SSR3: variants seen among roughly 807,000 people sequenced by gnomAD.
SSR3 encodes the protein translocon-associated protein subunit gamma.
In SSR3, 10 loss-of-function variants were observed where a neutral mutation model predicts 22.1. That is an observed-to-expected ratio of 0.45 (90% CI 0.28 to 0.77). SSR3 has a LOEUF of 0.77. Among genes scored for constraint, SSR3 ranks in the 30% least tolerant of loss-of-function variants. SSR3 has a pLI of 0.13. For synonymous variants in SSR3, 104 were observed against 82.5 expected (o/e 1.26, Z -1.42); for missense variants, 181 against 220.5 (o/e 0.82, Z 1.13).
Position 156,543,084 on chromosome 3 carries a change from T to G in SSR3, c.*119A>C, listed in dbSNP as rs1719623425. 7.2e-6 allele frequency: 5 copies of G among 689,712 alleles called. No homozygotes were observed. The South Asian group carries it at 1.5e-4, about 21-fold the overall frequency. 42.7% of individuals were successfully genotyped at this position (689,712 alleles called of 1,614,324 possible). Reference sequence around the variant, plus strand: ...AATACTGAATTACATTCTGCTGGGTTTTTTAAAGGCTCTAGACTATAAAAA... The same window carrying G: ...AATACTGAATTACATTCTGCTGGGTGTTTTAAAGGCTCTAGACTATAAAAA... On this transcript the variant is annotated 3_prime_UTR_variant, in exon 5 of 5. Transcript: ENST00000265044.
Position 156,555,020 on chromosome 3 carries a change from G to C in SSR3, c.70C>G (p.Leu24Val), listed in dbSNP as rs760383612. 8.1e-6 allele frequency: 13 copies of C among 1,614,060 alleles called. No homozygotes were observed. The Admixed American group carries it at 2.2e-4, about 27-fold the overall frequency. Residue 24 changes from leucine (L) to valine (V), a missense_variant, in exon 1 of 5, where the codon CTC (leucine) becomes GTC (valine). Transcript: ENST00000265044. ...AAGAGCGCGGAGGACTTGGCCGAGA[G>C]ATTGCGGCTGAAATCCTGCAGGAGC... ...DLLLQDFSRN[L>V]SAKSSALFFG...
chr3:156,550,810 C>A (rs1463137034), intron 2 of SSR3, among the ~76,000 whole-genome samples: 1 of 152,240 alleles, frequency 6.6e-6, no homozygotes, highest in Non-Finnish European at 1.5e-5. Flanking sequence ...TTCAACCCTG[C>A]ACATAAACAT....
intron 2 of SSR3, 103 bp downstream of exon 2, chr3:156,553,552 C>T (rs1036760845): frequency 2.5e-6 from 3 of 1,187,998 alleles, no homozygotes; most frequent in Admixed American, 2.6e-5. Context: ...ATATATATAT[C>T]TCAAATTAAT....
chr3:156,553,183 G>C (rs1720026546), intron 2 of SSR3, among the ~76,000 whole-genome samples: 1 of 152,136 alleles, frequency 6.6e-6, no homozygotes, highest in African/African-American at 2.4e-5. Context: ...CTTGAGCCTG[G>C]GAAGGTTGAG....
At position 156,552,906 on chromosome 3, in the gene SSR3, T is replaced by C. The variant is rs1440317674; in HGVS notation, c.260+749A>G. On this transcript the variant is annotated intron_variant, in intron 2 of 4. Coordinates refer to ENST00000265044, the MANE Select transcript of SSR3 (RefSeq NM_007107.5). ...TGCTTATAATTAAGGTATAAGTTTA[T>C]TGTGGTGAGGCTTGAGTTTTCTTCT... is the stretch of plus-strand genomic sequence containing the variant. Among the ~76,000 whole-genome samples the C allele has an allele frequency of 2.0e-5, 3 of 152,188 alleles. No homozygotes were observed. The East Asian group carries it at 5.8e-4, about 29-fold the overall frequency.
At chr3:156,554,831 G>C (rs113120900) in intron 1 of SSR3, 126 bp downstream of exon 1, 12 of 1,283,012 alleles carry the variant, frequency 9.4e-6, no homozygotes, top group East Asian at 2.5e-5. Context: ...CGAGCTCAGG[G>C]GAGCTGGAGA....
At chr3:156,549,177 G>A (rs868557449) in intron 2 of SSR3, 174 bp from the exon 3 acceptor site, 1 of 525,756 alleles carries the variant, frequency 1.9e-6, no homozygotes, top group Admixed American at 3.7e-5. Flanking sequence ...CTAGCCAAAA[G>A]AGAAGTTCGA....
intron 4 of SSR3, 141 bp from the exon 5 acceptor site, chr3:156,543,410 C>A: frequency 1.8e-6 from 1 of 545,926 alleles, no homozygotes. Flanking sequence ...CCATTGTCTG[C>A]AAACACAATT....
At chr3:156,548,783 C>G (rs1208986244) in intron 3 of SSR3, 122 bp downstream of exon 3, 2 of 1,217,064 alleles carry the variant, frequency 1.6e-6, no homozygotes, top group African/African-American at 1.5e-5. Context: ...ATTACTACTA[C>G]TACTACAATT....
chr3:156,551,778 T>C (rs1413195405), intron 2 of SSR3, among the ~76,000 whole-genome samples: 1 of 152,114 alleles, frequency 6.6e-6, no homozygotes, highest in Non-Finnish European at 1.5e-5. Context: ...TCAGGAAGGA[T>C]TTCTCTGGAA....
chr3:156,554,628 G>A (rs1239941030), intron 1 of SSR3: 1 of 290,762 alleles, frequency 3.4e-6, no homozygotes, highest in Non-Finnish European at 6.5e-6. Flanking sequence ...GTATAGAAAA[G>A]GGCAGAGGCA....
intron 3 of SSR3, among the ~76,000 whole-genome samples, chr3:156,547,901 T>C (rs1719817211): frequency 6.6e-6 from 1 of 152,322 alleles, no homozygotes; most frequent in East Asian, 1.9e-4. Context: ...CAGTGCTCAG[T>C]TGCTGTAACT....
At chr3:156,543,723 T>G (rs1719653586) in intron 4 of SSR3, among the ~76,000 whole-genome samples, 1 of 152,310 alleles carries the variant, frequency 6.6e-6, no homozygotes, top group East Asian at 1.9e-4. Flanking sequence ...AACTCTACAA[T>G]TTTCAGCAAA....
At position 156,540,045 on chromosome 3, in the gene SSR3, A is replaced by C. The variant is rs898041172; in HGVS notation, c.*3158T>G. The C allele has an allele frequency of 1.6e-4, 24 of 152,218 alleles. No homozygotes were observed. Among genetic ancestry groups the C allele is most frequent in the African/African-American group, 5.1e-4 (21 of 41,452 alleles). 9.4% of individuals were successfully genotyped at this position (152,218 alleles called of 1,614,324 possible). A position where few individuals can be genotyped will look rare whatever the true frequency, so the allele number is the denominator to read the frequency against. Reference sequence around the variant, plus strand: ...AGAACTTAAAGTAAAATAAAAAATAAAACAATTTGAAAAAAAAGATGGTTA... The same window carrying C: ...AGAACTTAAAGTAAAATAAAAAATACAACAATTTGAAAAAAAAGATGGTTA... On this transcript the variant is annotated 3_prime_UTR_variant, in exon 5 of 5. Transcript: ENST00000265044.
chr3:156,553,851 C>G lies in SSR3; in HGVS notation c.134-70G>C. The G allele has an allele frequency of 1.4e-5, 20 of 1,465,338 alleles. No individual in the cohort carries two copies. The South Asian group carries it at 2.7e-4, about 20-fold the overall frequency. The allele number at this position is 1,465,338 out of a possible 1,614,324, so 90.8% of individuals were successfully genotyped here. On this transcript the variant is annotated intron_variant, in intron 1 of 4. Coordinates refer to ENST00000265044, the MANE Select transcript of SSR3 (RefSeq NM_007107.5). ...ATTACAACCCCGCAACAAAAGCCTG[C>G]GAAATTAATTATAGCTAAGCCTGGT...
Position 156,552,153 on chromosome 3 carries a change from T to C in SSR3, c.260+1502A>G, listed in dbSNP as rs146969953. On this transcript the variant is annotated intron_variant, in intron 2 of 4. Transcript: ENST00000265044. ...CCATCTCTACAAAATATACAAAAAT[T>C]AGCCAGGCGTGGTAGTAGTGCGTGC... is the stretch of plus-strand genomic sequence containing the variant. 4.9e-3 allele frequency among the ~76,000 whole-genome samples: 751 copies of C among 151,954 alleles called. 8 individuals are homozygous for C. Among genetic ancestry groups the C allele is most frequent in the South Asian group, 0.022 (105 of 4,808 alleles).
At position 156,540,824 on chromosome 3, in the gene SSR3, G is replaced by A. The variant is rs1719444404; in HGVS notation, c.*2379C>T. 1 of 152,074 alleles carries A rather than the reference G, an allele frequency of 6.6e-6. No homozygotes were observed. The highest frequency in any genetic ancestry group is 6.5e-5 in the Admixed American group (1 of 15,270). 9.4% of individuals were successfully genotyped at this position (152,074 alleles called of 1,614,324 possible). ...TTTAAGACAAAAATTCTACAGCATGGTTTTACTAAGTCAGATTGAGTAGGT... is the reference window on the plus strand; with the variant it reads ...TTTAAGACAAAAATTCTACAGCATGATTTTACTAAGTCAGATTGAGTAGGT... On this transcript the variant is annotated 3_prime_UTR_variant, in exon 5 of 5. Transcript: ENST00000265044.
chr3:156,542,988 G>A lies in SSR3; in HGVS notation c.*215C>T, dbSNP rs554599777. 41 of 457,456 alleles carry A rather than the reference G, an allele frequency of 9.0e-5. No individual in the cohort carries two copies. The highest frequency in any genetic ancestry group is 3.9e-4 in the African/African-American group (20 of 51,318). 28.3% of individuals were successfully genotyped at this position (457,456 alleles called of 1,614,324 possible). ...AGACATTTTTTTCCTTTTAATAAAC[G>A]TCCTAGTACTCTGAGTTTCCCTTTC... On this transcript the variant is annotated 3_prime_UTR_variant, in exon 5 of 5. Coordinates refer to ENST00000265044, the MANE Select transcript of SSR3 (RefSeq NM_007107.5).
At chr3:156,553,918 G>C in intron 1 of SSR3, 137 bp from the exon 2 acceptor site, 1 of 795,964 alleles carries the variant, frequency 1.3e-6, no homozygotes, top group Non-Finnish European at 1.8e-6. Flanking sequence ...TAGTATCTGA[G>C]GATCTTCAGA....
Sources: gnomAD v4.1 joint callset for allele counts (sites outside exome capture counted in the v4.1 genomes callset) on GRCh38, gnomAD v4.1.1 for gene constraint, MANE v1.5 for transcripts, NCBI Gene and HGNC (gene_info 2026-07-23, HGNC 2026-07-21) for gene names.